Variants in GALNTL6 observed in about 807,000 individuals in gnomAD.
GALNTL6 encodes polypeptide N-acetylgalactosaminyltransferase like 6.
A neutral mutation model predicts 73.7 loss-of-function variants in GALNTL6; 46 were observed. The observed-to-expected ratio is 0.62, with a 90% CI of 0.49 to 0.80. The LOEUF is 0.80. Ranked by LOEUF, GALNTL6 falls within the 30% of genes least tolerant of loss-of-function variation. The probability of loss-of-function intolerance (pLI) is 0.00; values close to 1 mark genes in which losing one functional copy is unlikely to be tolerated. For missense variants in GALNTL6, 604 were observed against 755.0 expected (o/e 0.80, Z 2.34); for synonymous variants, 259 against 263.7 (o/e 0.98, Z 0.17).
Position 171,858,577 on chromosome 4 carries a change from A to C in GALNTL6, c.138+43859A>C, listed in dbSNP as rs1257214247. ...TTTTAATTGCTCAAGTACTCATGCC[A>C]AGTAAGTAAAAACCAACATTATGCA... On this transcript the variant is annotated intron_variant, in intron 2 of 12. Transcript: ENST00000506823. 2.6e-5 allele frequency among the ~76,000 whole-genome samples: 4 copies of C among 152,096 alleles called. No individual in the cohort carries two copies. The East Asian group carries it at 7.7e-4, about 29-fold the overall frequency.
At chr4:172,257,483 G>A (rs985066598) in intron 3 of GALNTL6, among the ~76,000 whole-genome samples, 3 of 151,296 alleles carry the variant, frequency 2.0e-5, no homozygotes, top group African/African-American at 7.3e-5. Flanking sequence ...TTTAACTGTG[G>A]CAGGAATTTT....
intron 2 of GALNTL6, among the ~76,000 whole-genome samples, chr4:171,838,636 C>T (rs1458153775): frequency 6.6e-6 from 1 of 152,104 alleles, no homozygotes; most frequent in Non-Finnish European, 1.5e-5. Flanking sequence ...ATATGAGTTT[C>T]TAACATTAGT....
At chr4:171,999,064 G>A (rs550074683) in intron 2 of GALNTL6, among the ~76,000 whole-genome samples, 4 of 152,072 alleles carry the variant, frequency 2.6e-5, no homozygotes, top group Non-Finnish European at 5.9e-5. Flanking sequence ...AACGTCTTTT[G>A]GTATTTCATT....
At chr4:172,451,953 A>G (rs537453656) in intron 5 of GALNTL6, among the ~76,000 whole-genome samples, 2 of 152,294 alleles carry the variant, frequency 1.3e-5, no homozygotes, top group East Asian at 1.9e-4. Flanking sequence ...TGAGGCTGCA[A>G]TGAACTGTGA....
intron 2 of GALNTL6, among the ~76,000 whole-genome samples, chr4:171,985,341 A>G (rs1242130721): frequency 6.6e-6 from 1 of 152,182 alleles, no homozygotes; most frequent in African/African-American, 2.4e-5. Flanking sequence ...TATAAAGCCA[A>G]CCGATCTCAT....
chr4:172,914,860 G>A (rs1747415270), intron 8 of GALNTL6, among the ~76,000 whole-genome samples: 1 of 152,120 alleles, frequency 6.6e-6, no homozygotes, highest in Non-Finnish European at 1.5e-5. Flanking sequence ...AGTTCACAAG[G>A]ATATCCAGGA....
At chr4:172,229,621 T>C (rs2110967187) in intron 2 of GALNTL6, 35 bp from the exon 3 acceptor site, 1 of 1,377,232 alleles carries the variant, frequency 7.3e-7, no homozygotes. Flanking sequence ...AGGAAATACC[T>C]CCTTTTTATG....
At chr4:172,194,139 C>T (rs1264201205) in intron 2 of GALNTL6, among the ~76,000 whole-genome samples, 1 of 152,158 alleles carries the variant, frequency 6.6e-6, no homozygotes, top group Admixed American at 6.5e-5. Flanking sequence ...TAGAGAGGAA[C>T]ATAAATGACC....
intron 5 of GALNTL6, among the ~76,000 whole-genome samples, chr4:172,750,645 A>G (rs930440227): frequency 1.3e-5 from 2 of 152,186 alleles, no homozygotes; most frequent in African/African-American, 4.8e-5. Flanking sequence ...TTTCCCATTT[A>G]TAATATAATA....
intron 5 of GALNTL6, among the ~76,000 whole-genome samples, chr4:172,658,446 G>A (rs1157993443): frequency 7.2e-6 from 1 of 139,026 alleles, no homozygotes; most frequent in African/African-American, 2.7e-5. Context: ...CGGCCTGGGC[G>A]ACAGAGAGAG....
intron 3 of GALNTL6, among the ~76,000 whole-genome samples, chr4:172,303,465 C>T (rs528736710): frequency 8.5e-5 from 13 of 152,258 alleles, no homozygotes; most frequent in Admixed American, 5.2e-4. Context: ...ACCTTAGTTG[C>T]GATTCCTAAT....
intron 4 of GALNTL6, among the ~76,000 whole-genome samples, chr4:172,331,525 T>C (rs536624487): frequency 4.1e-4 from 63 of 152,340 alleles, no homozygotes; most frequent in African/African-American, 1.4e-3. Flanking sequence ...GCTGGTTGAT[T>C]AGTAGCTTCC....
At chr4:172,620,530 C>T (rs1207532778) in intron 5 of GALNTL6, among the ~76,000 whole-genome samples, 2 of 152,104 alleles carry the variant, frequency 1.3e-5, no homozygotes, top group African/African-American at 4.8e-5. Context: ...CACAAATACA[C>T]TCTTATATAC....
chr4:172,450,427 C>T (rs1732169974), intron 5 of GALNTL6, among the ~76,000 whole-genome samples: 1 of 152,190 alleles, frequency 6.6e-6, no homozygotes, highest in African/African-American at 2.4e-5. Context: ...ATGATCCTTG[C>T]ACAGGCTATT....
chr4:172,209,962 T>C (rs1344106415), intron 2 of GALNTL6, among the ~76,000 whole-genome samples: 1 of 152,076 alleles, frequency 6.6e-6, no homozygotes, highest in Admixed American at 6.5e-5. Context: ...AGAGAAAGCC[T>C]CTGCCATCTT....
chr4:172,623,556 C>T (rs1450545677), intron 5 of GALNTL6, among the ~76,000 whole-genome samples: 1 of 151,966 alleles, frequency 6.6e-6, no homozygotes, highest in Non-Finnish European at 1.5e-5. Flanking sequence ...ACATAAGGTA[C>T]CTACTAAAAA....
At position 172,512,363 on chromosome 4, in the gene GALNTL6, G is replaced by C. The variant is rs1479075500; in HGVS notation, c.553+163674G>C. ...TTAGATGAGTTTCTTGAAGACAATA[G>C]ATACTTGTTTGGTGAATTCTTATCC... On this transcript the variant is annotated intron_variant, in intron 5 of 12. Coordinates refer to ENST00000506823, the MANE Select transcript of GALNTL6 (RefSeq NM_001034845.3). Among the ~76,000 whole-genome samples the C allele has an allele frequency of 2.2e-4, 2 of 8,914 alleles. 1 individual carries two copies. The highest frequency in any genetic ancestry group is 6.6e-4 in the Non-Finnish European group (2 of 3,010). The allele number at this position is 8,914 out of a possible 152,430, so 5.8% of individuals were successfully genotyped here.
At chr4:172,416,216 T>G (rs1452075163) in intron 5 of GALNTL6, among the ~76,000 whole-genome samples, 1 of 152,204 alleles carries the variant, frequency 6.6e-6, no homozygotes, top group Non-Finnish European at 1.5e-5. Context: ...AGAAATAACC[T>G]TATTAGTATA....
intron 2 of GALNTL6, among the ~76,000 whole-genome samples, chr4:171,998,195 A>T (rs1740553054): frequency 6.6e-6 from 1 of 152,182 alleles, no homozygotes. Flanking sequence ...GCATCTAGAA[A>T]TAGGTGTCAT....
Sources: gnomAD v4.1 joint callset for allele counts (sites outside exome capture counted in the v4.1 genomes callset) on GRCh38, gnomAD v4.1.1 for gene constraint, MANE v1.5 for transcripts, NCBI Gene and HGNC (gene_info 2026-07-23, HGNC 2026-07-21) for gene names.